GALNTL6: variants seen among roughly 807,000 people sequenced by gnomAD.
The protein encoded by GALNTL6 is polypeptide N-acetylgalactosaminyltransferase like 6.
GALNTL6 carries 46 observed loss-of-function variants against 73.7 expected under a neutral mutation model. The observed-to-expected ratio is 0.62, with a 90% CI of 0.49 to 0.80. GALNTL6 has a LOEUF of 0.80. Among genes scored for constraint, GALNTL6 ranks in the 30% least tolerant of loss-of-function variants. The pLI, the probability that GALNTL6 is intolerant of heterozygous loss-of-function variation, is 0.00. For missense variants in GALNTL6, 604 were observed against 755.0 expected, an observed-to-expected ratio of 0.80 and a Z score of 2.34; for synonymous variants, 259 against 263.7, an observed-to-expected ratio of 0.98 and a Z score of 0.17.
At chr4:172,591,163 TTTTTG>T (rs1159954078) in intron 5 of GALNTL6, among the ~76,000 whole-genome samples, 1 of 152,180 alleles carries the variant, frequency 6.6e-6, no homozygotes, top group Non-Finnish European at 1.5e-5. Flanking sequence ...TCTGTTTTTG[TTTTTG>T]TTTTAACTTT....
chr4:172,553,883 C>A (rs951763211), intron 5 of GALNTL6, among the ~76,000 whole-genome samples: 2 of 151,986 alleles, frequency 1.3e-5, no homozygotes, highest in Non-Finnish European at 2.9e-5. Flanking sequence ...ATAACAAGAT[C>A]CCATCTCTAC....
chr4:172,239,789 T>A lies in GALNTL6; in HGVS notation c.247+10025T>A, dbSNP rs190906753. 8.6e-3 allele frequency among the ~76,000 whole-genome samples: 1,303 copies of A among 152,304 alleles called. 19 individuals carry two copies. Among genetic ancestry groups the A allele is most frequent in the African/African-American group, 0.03 (1,243 of 41,562 alleles). On this transcript the variant is annotated intron_variant, in intron 3 of 12. Transcript: ENST00000506823. ...TTTTAGGATATGTGCCATGTGCTGA[T>A]AAGAATGTGTATTTTTCTGATTTTG...
chr4:172,000,005 G>T (rs1165093226), intron 2 of GALNTL6, among the ~76,000 whole-genome samples: 1 of 152,128 alleles, frequency 6.6e-6, no homozygotes, highest in Non-Finnish European at 1.5e-5. Flanking sequence ...TTCTTTTGGA[G>T]AATTATTCAA....
intron 5 of GALNTL6, among the ~76,000 whole-genome samples, chr4:172,629,137 G>A (rs566653418): frequency 5.3e-5 from 8 of 152,232 alleles, no homozygotes; most frequent in Middle Eastern, 3.4e-3. Context: ...TCTGTGTCTT[G>A]TGTGTGCCTT....
intron 2 of GALNTL6, among the ~76,000 whole-genome samples, chr4:172,022,890 T>A (rs1055374866): frequency 6.6e-6 from 1 of 152,022 alleles, no homozygotes; most frequent in African/African-American, 2.4e-5. Context: ...TTTCCCTGTT[T>A]TTCACAATTC....
intron 5 of GALNTL6, among the ~76,000 whole-genome samples, chr4:172,761,165 GA>G (rs780649016): frequency 1.7e-4 from 25 of 151,140 alleles, no homozygotes; most frequent in African/African-American, 4.6e-4. Flanking sequence ...TGCCTTTCAG[GA>G]AAAAAAAATT....
chr4:172,460,900 A>G (rs747599846), intron 5 of GALNTL6, among the ~76,000 whole-genome samples: 10 of 152,250 alleles, frequency 6.6e-5, no homozygotes, highest in Non-Finnish European at 1.0e-4. Flanking sequence ...TCATTCTACT[A>G]TAAAGATACG....
chr4:172,124,038 G>A (rs1733225252), intron 2 of GALNTL6, among the ~76,000 whole-genome samples: 1 of 152,100 alleles, frequency 6.6e-6, no homozygotes, highest in African/African-American at 2.4e-5. Context: ...CAAAACTGTA[G>A]ATGACAGAGA....
At chr4:172,102,763 C>CA (rs1732554183) in intron 2 of GALNTL6, among the ~76,000 whole-genome samples, 1 of 152,204 alleles carries the variant, frequency 6.6e-6, no homozygotes, top group Non-Finnish European at 1.5e-5. Flanking sequence ...TACATTCTTA[C>CA]TCTGACACTT....
chr4:171,938,561 A>G (rs1314880440), intron 2 of GALNTL6, among the ~76,000 whole-genome samples: 2 of 152,208 alleles, frequency 1.3e-5, no homozygotes, highest in African/African-American at 4.8e-5. Context: ...AGTGTGAATT[A>G]AAAGCAATGT....
At chr4:172,635,198 T>C (rs1739612504) in intron 5 of GALNTL6, among the ~76,000 whole-genome samples, 1 of 152,192 alleles carries the variant, frequency 6.6e-6, no homozygotes, top group Admixed American at 6.5e-5. Context: ...TAAAGAAATA[T>C]CTTGGATGTT....
chr4:172,645,613 T>G (rs546124066), intron 5 of GALNTL6, among the ~76,000 whole-genome samples: 1 of 152,078 alleles, frequency 6.6e-6, no homozygotes, highest in South Asian at 2.1e-4. Context: ...ACTAGGTTTG[T>G]GATTAAGCCC....
intron 3 of GALNTL6, among the ~76,000 whole-genome samples, chr4:172,292,105 T>C (rs1276832109): frequency 6.6e-6 from 1 of 152,124 alleles, no homozygotes; most frequent in Non-Finnish European, 1.5e-5. Flanking sequence ...TTCATAAACA[T>C]GTATTGTGTA....
intron 2 of GALNTL6, among the ~76,000 whole-genome samples, chr4:172,016,839 A>G (rs1348883946): frequency 1.3e-5 from 2 of 151,704 alleles, no homozygotes; most frequent in African/African-American, 4.8e-5. Flanking sequence ...AGGGGTGAAC[A>G]CTCTGTATGA....
chr4:171,990,531 A>C (rs1002253486), intron 2 of GALNTL6, among the ~76,000 whole-genome samples: 26 of 152,182 alleles, frequency 1.7e-4, no homozygotes, highest in African/African-American at 5.3e-4. Context: ...AAAATGAAGA[A>C]AAAGAGAAAG....
intron 2 of GALNTL6, among the ~76,000 whole-genome samples, chr4:172,137,508 A>T (rs764811854): frequency 3.9e-5 from 6 of 152,216 alleles, no homozygotes; most frequent in Admixed American, 6.5e-5. Flanking sequence ...CAAACAAATG[A>T]CGTCTATTTA....
In GALNTL6 at chr4:172,487,295, C is replaced by CTTCTTTCCTTCCTTCTTTCTTTCT. The variant is rs1554029530; in HGVS notation, c.553+138610_553+138611insTTCCTTCCTTCTTTCTTTCTTTCT. 7.6e-4 allele frequency among the ~76,000 whole-genome samples: 62 copies of CTTCTTTCCTTCCTTCTTTCTTTCT among 81,568 alleles called. 1 individual carries two copies. Among genetic ancestry groups the CTTCTTTCCTTCCTTCTTTCTTTCT allele is most frequent in the Non-Finnish European group, 1.3e-3 (52 of 40,000 alleles). 53.5% of individuals were successfully genotyped at this position (81,568 alleles called of 152,430 possible). A position where few individuals can be genotyped will look rare whatever the true frequency, so the allele number is the denominator to read the frequency against. ...TCCTCTTTCTTTCTTTCCTTCTTTC[C>CTTCTTTCCTTCCTTCTTTCTTTCT]TTCTGTCTTTCTTTCTTTCTTTCTT... On this transcript the variant is annotated intron_variant, in intron 5 of 12. Coordinates refer to ENST00000506823, the MANE Select transcript of GALNTL6 (RefSeq NM_001034845.3).
At chr4:172,118,529 G>A (rs547138953) in intron 2 of GALNTL6, among the ~76,000 whole-genome samples, 14 of 151,950 alleles carry the variant, frequency 9.2e-5, no homozygotes, top group Admixed American at 1.3e-4. Flanking sequence ...GTGAAACCCC[G>A]TCTCTACTAA....
chr4:172,284,403 ACACACCATGTGCACCCCAC>A (rs570419193), intron 3 of GALNTL6, among the ~76,000 whole-genome samples: 2 of 150,082 alleles, frequency 1.3e-5, no homozygotes, highest in South Asian at 4.3e-4. Flanking sequence ...CACCCCCCAC[ACACACCATGTGCACCCCAC>A]CACACCATGT....
Sources: gnomAD v4.1 joint callset for allele counts (sites outside exome capture counted in the v4.1 genomes callset) on GRCh38, gnomAD v4.1.1 for gene constraint, MANE v1.5 for transcripts, NCBI Gene and HGNC (gene_info 2026-07-23, HGNC 2026-07-21) for gene names.